ZFHX3: variants seen among roughly 807,000 people sequenced by gnomAD.
ZFHX3 encodes the protein zinc finger homeobox protein 3.
ZFHX3 carries 42 observed loss-of-function variants against 279.1 expected under a neutral mutation model. That is an observed-to-expected ratio of 0.15 (90% CI 0.12 to 0.19). The LOEUF (loss-of-function observed/expected upper bound fraction) is 0.19, where lower values mean the gene tolerates loss of function less well. ZFHX3 is among the 10% of genes least tolerant of loss of function. ZFHX3 has a pLI of 1.00. For missense variants in ZFHX3, 4,981 were observed against 4,754.0 expected (o/e 1.05, Z -1.40); for synonymous variants, 2,293 against 1,957.8 (o/e 1.17, Z -4.52).
At chr16:73,376,874 T>A (rs1389584000) in intron 3 of ZFHX3, among the ~76,000 whole-genome samples, 1 of 152,198 alleles carries the variant, frequency 6.6e-6, no homozygotes, top group Non-Finnish European at 1.5e-5. Flanking sequence ...AAGCTGCCAA[T>A]ATATTATGGT....
intron 4 of ZFHX3, among the ~76,000 whole-genome samples, chr16:72,846,005 GCTGT>G (rs1372602805): frequency 6.6e-6 from 1 of 152,154 alleles, no homozygotes. Context: ...TTGTGCTTGT[GCTGT>G]CTGTCCATCC....
chr16:73,642,986 A>C (rs2052587286), intron 2 of ZFHX3, among the ~76,000 whole-genome samples: 1 of 152,218 alleles, frequency 6.6e-6, no homozygotes, highest in Non-Finnish European at 1.5e-5. Flanking sequence ...AGCCAACAAT[A>C]GAATTTGAAG....
chr16:73,635,873 A>T (rs950705113), intron 2 of ZFHX3, among the ~76,000 whole-genome samples: 11 of 152,210 alleles, frequency 7.2e-5, no homozygotes, highest in Non-Finnish European at 2.9e-5. Context: ...AGAGTTGTTT[A>T]TGTTGGCATC....
At chr16:73,025,809 T>A (rs771706033) in intron 1 of ZFHX3, among the ~76,000 whole-genome samples, 46 of 152,240 alleles carry the variant, frequency 3.0e-4, no homozygotes, top group Non-Finnish European at 5.0e-4. Context: ...GATCCAACTC[T>A]TTCAGGATAA....
intron 8 of ZFHX3, among the ~76,000 whole-genome samples, chr16:72,799,684 A>C (rs1226970771): frequency 6.6e-6 from 1 of 152,226 alleles, no homozygotes; most frequent in East Asian, 1.9e-4. Context: ...CTACTAATTA[A>C]GTCCTCAGAA....
intron 4 of ZFHX3, among the ~76,000 whole-genome samples, chr16:72,845,905 T>C (rs1053366748): frequency 7.9e-5 from 12 of 152,302 alleles, no homozygotes; most frequent in African/African-American, 2.9e-4. Context: ...GTCACATAGC[T>C]AGGAGGTGAC....
At chr16:72,851,769 T>C (rs1003990201) in intron 4 of ZFHX3, among the ~76,000 whole-genome samples, 1 of 152,290 alleles carries the variant, frequency 6.6e-6, no homozygotes, top group East Asian at 1.9e-4. Context: ...CAGGCTGGTC[T>C]CAAACTCCTG....
chr16:72,910,915 C>T (rs1371919479), intron 3 of ZFHX3, among the ~76,000 whole-genome samples: 2 of 152,194 alleles, frequency 1.3e-5, no homozygotes, highest in Admixed American at 6.5e-5. Flanking sequence ...ACTTCTGATA[C>T]CTGTATGGCC....
At chr16:73,682,865 A>C (rs1405774714) in intron 1 of ZFHX3, among the ~76,000 whole-genome samples, 1 of 27,880 alleles carries the variant, frequency 3.6e-5, no homozygotes, top group Non-Finnish European at 7.4e-5. Flanking sequence ...AAAGAAAGAA[A>C]GAAAGAAAGA....
At chr16:73,184,771 G>GA (rs1028826967) in intron 5 of ZFHX3, among the ~76,000 whole-genome samples, 9 of 151,928 alleles carry the variant, frequency 5.9e-5, no homozygotes, top group African/African-American at 9.7e-5. Context: ...CTATTTGGGA[G>GA]AAAAAAAATG....
rs967087904 is a variant in ZFHX3, at chr16:72,797,451, G to A, written c.5231C>T (p.Thr1744Met). 6.8e-6 allele frequency: 11 copies of A among 1,613,074 alleles called. No individual in the cohort carries two copies. Among genetic ancestry groups the A allele is most frequent in the Middle Eastern group, 1.6e-4 (1 of 6,080 alleles). ...QQQQQQQQAQTLAQAQAQVQA... is the reference protein window; with the variant it reads ...QQQQQQQQAQMLAQAQAQVQA... Reference sequence around the variant, plus strand: ...AACTTGAGCCTGGGCCTGGGCCAGCGTTTGTGCTTGTTGTTGTTGTTGTTG... The same window carrying A: ...AACTTGAGCCTGGGCCTGGGCCAGCATTTGTGCTTGTTGTTGTTGTTGTTG... Residue 1744 changes from threonine (T) to methionine (M), a missense_variant, in exon 9 of 10, where the codon ACG (threonine) becomes ATG (methionine). Transcript: ENST00000268489.
At chr16:73,066,597 G>C (rs1001186626) in intron 8 of ZFHX3, among the ~76,000 whole-genome samples, 2 of 151,340 alleles carry the variant, frequency 1.3e-5, no homozygotes, top group Non-Finnish European at 3.0e-5. Context: ...GATGGGCGGG[G>C]AAACAGGCCC....
chr16:73,494,239 C>T (rs370034734), intron 2 of ZFHX3, among the ~76,000 whole-genome samples: 39 of 152,152 alleles, frequency 2.6e-4, no homozygotes, highest in Non-Finnish European at 4.4e-4. Context: ...TACATCAATA[C>T]GGACGGAGCG....
At chr16:73,738,869 G>A (rs909893912) in intron 1 of ZFHX3, among the ~76,000 whole-genome samples, 1 of 152,144 alleles carries the variant, frequency 6.6e-6, no homozygotes, top group Admixed American at 6.5e-5. Context: ...AAGATTACAA[G>A]ATGGAAGAAA....
At chr16:73,506,846 T>C (rs2019335762) in intron 2 of ZFHX3, among the ~76,000 whole-genome samples, 2 of 152,214 alleles carry the variant, frequency 1.3e-5, no homozygotes. Flanking sequence ...CACACTTTAA[T>C]ATGCATACTG....
intron 5 of ZFHX3, among the ~76,000 whole-genome samples, chr16:73,251,399 G>A (rs2144956345): frequency 6.6e-6 from 1 of 152,302 alleles, no homozygotes; most frequent in Non-Finnish European, 1.5e-5. Context: ...GGGGCCAAGC[G>A]TGGCTCTAAA....
intron 1 of ZFHX3, among the ~76,000 whole-genome samples, chr16:73,019,787 C>T (rs189682091): frequency 3.3e-5 from 5 of 152,330 alleles, no homozygotes; most frequent in Middle Eastern, 6.8e-3. Context: ...GCCCCCTTCC[C>T]TTTCTCTATG....
chr16:72,985,586 T>C (rs917474229), intron 1 of ZFHX3, among the ~76,000 whole-genome samples: 7 of 152,208 alleles, frequency 4.6e-5, no homozygotes, highest in Non-Finnish European at 8.8e-5. Flanking sequence ...TCCTGAGTCA[T>C]AGTTGAAATC....
At chr16:72,835,914 C>G (rs1417131198) in intron 4 of ZFHX3, among the ~76,000 whole-genome samples, 1 of 152,166 alleles carries the variant, frequency 6.6e-6, no homozygotes, top group Non-Finnish European at 1.5e-5. Flanking sequence ...TGCAAATATT[C>G]TACAGAATAT....
Sources: allele counts gnomAD v4.1 joint callset (sites outside exome capture counted in the v4.1 genomes callset), GRCh38; gene constraint gnomAD v4.1.1; transcripts MANE v1.5; gene names NCBI Gene and HGNC (gene_info 2026-07-23, HGNC 2026-07-21).